Variants in CTNNA3 observed in about 807,000 individuals in gnomAD.
CTNNA3 encodes the protein catenin alpha 3, also known as catenin alpha-3.
Under a neutral mutation model 95.7 loss-of-function variants are expected in CTNNA3, and 76 were observed. The ratio of observed to expected loss-of-function variants is 0.79; its 90% CI spans 0.66 to 0.96. CTNNA3 has a LOEUF of 0.96. CTNNA3 is among the 40% of genes least tolerant of loss of function. The pLI, the probability that CTNNA3 is intolerant of heterozygous loss-of-function variation, is 0.00. For missense variants in CTNNA3, 1,191 were observed against 1,089.8 expected, an observed-to-expected ratio of 1.09 and a Z score of -1.31; for synonymous variants, 431 against 374.4, an observed-to-expected ratio of 1.15 and a Z score of -1.74.
intron 7 of CTNNA3, among the ~76,000 whole-genome samples, chr10:66,785,201 T>A (rs1337814351): frequency 6.6e-6 from 1 of 152,116 alleles, no homozygotes; most frequent in Non-Finnish European, 1.5e-5. Context: ...GAAGAAGATA[T>A]CACTCACATT....
At chr10:67,462,913 T>C (rs1847437926) in intron 5 of CTNNA3, among the ~76,000 whole-genome samples, 1 of 151,506 alleles carries the variant, frequency 6.6e-6, no homozygotes, top group South Asian at 2.1e-4. Context: ...TCTTTTTCTT[T>C]TTTTTTTTTG....
At chr10:65,993,564 C>T (rs1343478943) in intron 15 of CTNNA3, among the ~76,000 whole-genome samples, 1 of 152,030 alleles carries the variant, frequency 6.6e-6, no homozygotes, top group Non-Finnish European at 1.5e-5. Context: ...AGTAGAGATA[C>T]TTATGCTCAC....
At chr10:67,131,358 T>C (rs1054858744) in intron 7 of CTNNA3, among the ~76,000 whole-genome samples, 1 of 152,086 alleles carries the variant, frequency 6.6e-6, no homozygotes, top group East Asian at 1.9e-4. Flanking sequence ...CTCCATAGGA[T>C]TGTTTTGGTT....
intron 13 of CTNNA3, among the ~76,000 whole-genome samples, chr10:66,108,188 G>A (rs1253751818): frequency 1.3e-5 from 2 of 152,070 alleles, no homozygotes; most frequent in African/African-American, 2.4e-5. Flanking sequence ...ATATATCAAT[G>A]ACACAATGCC....
chr10:66,533,226 G>T (rs1841532874), intron 10 of CTNNA3, among the ~76,000 whole-genome samples: 1 of 152,042 alleles, frequency 6.6e-6, no homozygotes, highest in Non-Finnish European at 1.5e-5. Flanking sequence ...TTGTCTAGGG[G>T]CATTTGTCTA....
At position 66,146,781 on chromosome 10, in the gene CTNNA3, T is replaced by C. The variant is rs568491611; in HGVS notation, c.1885-43532A>G. The stretch of plus-strand genomic sequence containing the variant: ...CATGATGCTCAGGCCAGTCTCAAAC[T>C]CCTGAGCTCAAGCAATTCACGCGCC... On this transcript the variant is annotated intron_variant, in intron 13 of 17. Transcript: ENST00000433211. Among the ~76,000 whole-genome samples, 6 of 152,230 alleles carry C rather than the reference T, an allele frequency of 3.9e-5. No homozygotes were observed. The East Asian group carries it at 5.8e-4, about 15-fold the overall frequency.
chr10:67,638,015 A>T lies in CTNNA3; in HGVS notation c.99+9400T>A, dbSNP rs554586117. On this transcript the variant is annotated intron_variant, in intron 2 of 17. Transcript: ENST00000433211. ...CAGGATCAAATTCACACATAACAATATTAACCTTAAATGTAAATGGGCTAA... is the reference window on the plus strand; with the variant it reads ...CAGGATCAAATTCACACATAACAATTTTAACCTTAAATGTAAATGGGCTAA... 4.6e-5 allele frequency among the ~76,000 whole-genome samples: 7 copies of T among 152,324 alleles called. No individual in the cohort carries two copies. In the East Asian group the frequency reaches 1.2e-3, roughly 25 times the overall value.
chr10:67,726,564 A>ATGTAATAT (rs1239359398), intron 1 of CTNNA3, among the ~76,000 whole-genome samples: 1 of 70,836 alleles, frequency 1.4e-5, no homozygotes, highest in East Asian at 6.6e-4. Context: ...ATAATATAAT[A>ATGTAATAT]TATATTACAT....
intron 10 of CTNNA3, among the ~76,000 whole-genome samples, chr10:66,590,957 G>C (rs779074213): frequency 5.3e-5 from 8 of 152,126 alleles, no homozygotes; most frequent in Non-Finnish European, 1.0e-4. Context: ...TTTTCACACA[G>C]AGTACAATTT....
At position 66,185,427 on chromosome 10, in the gene CTNNA3, T is replaced by C. The variant is rs144055214; in HGVS notation, c.1885-82178A>G. On this transcript the variant is annotated intron_variant, in intron 13 of 17. Transcript: ENST00000433211. ...CTCCATAAGTAACAAAATATTGAAA[T>C]GAGCTATTAAAAGTTATAAATGAAT... Among the ~76,000 whole-genome samples, 7 of 152,132 alleles carry C rather than the reference T, an allele frequency of 4.6e-5. No individual in the cohort carries two copies. The East Asian group carries it at 1.4e-3, about 29-fold the overall frequency.
intron 13 of CTNNA3, among the ~76,000 whole-genome samples, chr10:66,191,999 T>C (rs761535723): frequency 6.6e-6 from 1 of 152,184 alleles, no homozygotes; most frequent in Non-Finnish European, 1.5e-5. Context: ...TGTTGCCTTC[T>C]GCCATGAGAT....
At chr10:67,211,268 G>GAA (rs572025128) in intron 6 of CTNNA3, among the ~76,000 whole-genome samples, 8 of 136,210 alleles carry the variant, frequency 5.9e-5, no homozygotes, top group African/African-American at 1.1e-4. Flanking sequence ...AAGTTTTGGA[G>GAA]AAAAAAAAAA....
At chr10:66,928,150 G>T in intron 7 of CTNNA3, 2 of 1,614,076 alleles carry the variant, frequency 1.2e-6, no homozygotes, top group South Asian at 2.2e-5. Context: ...CGATGCTGAC[G>T]CCGAGCACAT....
chr10:66,049,934 A>G (rs2079912085), intron 15 of CTNNA3, among the ~76,000 whole-genome samples: 2 of 152,184 alleles, frequency 1.3e-5, no homozygotes, highest in South Asian at 2.1e-4. Flanking sequence ...TTTACACCCA[A>G]ACTTAAAATA....
intron 17 of CTNNA3, among the ~76,000 whole-genome samples, chr10:65,935,574 C>T (rs966065677): frequency 2.6e-5 from 4 of 152,086 alleles, no homozygotes; most frequent in African/African-American, 9.7e-5. Context: ...AGAAGTGATG[C>T]AGACAATGCA....
At chr10:66,727,047 CA>C (rs1200369111) in intron 9 of CTNNA3, among the ~76,000 whole-genome samples, 2 of 151,974 alleles carry the variant, frequency 1.3e-5, no homozygotes, top group Non-Finnish European at 2.9e-5. Context: ...AGATGTGTAA[CA>C]AGAACTAATT....
At chr10:67,218,840 A>G (rs1216875357) in intron 6 of CTNNA3, among the ~76,000 whole-genome samples, 1 of 152,168 alleles carries the variant, frequency 6.6e-6, no homozygotes, top group Non-Finnish European at 1.5e-5. Context: ...CCTTCAGTCT[A>G]TGTTCCTTAT....
intron 5 of CTNNA3, among the ~76,000 whole-genome samples, chr10:67,297,313 C>T (rs1280632513): frequency 6.6e-6 from 1 of 152,148 alleles, no homozygotes; most frequent in Non-Finnish European, 1.5e-5. Flanking sequence ...ATTTTCTTTC[C>T]AACTCCCTGA....
chr10:67,360,493 A>T (rs1842960119), intron 5 of CTNNA3, among the ~76,000 whole-genome samples: 1 of 151,984 alleles, frequency 6.6e-6, no homozygotes, highest in Admixed American at 6.6e-5. Context: ...CCATAGGGGC[A>T]AAGTAAAGGG....
Sources: allele counts gnomAD v4.1 joint callset (sites outside exome capture counted in the v4.1 genomes callset), GRCh38; gene constraint gnomAD v4.1.1; transcripts MANE v1.5; gene names NCBI Gene and HGNC (gene_info 2026-07-23, HGNC 2026-07-21).